The following UBE2D1 variants were observed in gnomAD, a reference collection of about 807,000 sequenced individuals.
UBE2D1 encodes ubiquitin conjugating enzyme E2 D1, also known as ubiquitin-conjugating enzyme E2 D1.
In UBE2D1, 9 loss-of-function variants were observed where a neutral mutation model predicts 24.6. The ratio of observed to expected loss-of-function variants is 0.37; its 90% confidence interval spans 0.22 to 0.64. UBE2D1 has a LOEUF of 0.64. UBE2D1 is among the 30% of genes least tolerant of loss of function. The pLI is 0.64. For missense variants in UBE2D1, 87 were observed against 177.1 expected (o/e 0.49, Z 2.89); for synonymous variants, 57 against 57.6 (o/e 0.99, Z 0.04).
chr10:58,363,422 G>A (rs1464001925), intron 3 of UBE2D1, among the ~76,000 whole-genome samples, 187 bp from the exon 4 acceptor site: 1 of 152,010 alleles, frequency 6.6e-6, no homozygotes, highest in Non-Finnish European at 1.5e-5. Flanking sequence ...AGAGAAACCT[G>A]TTCTCAAAGT....
intron 1 of UBE2D1, 28 bp from the exon 2 acceptor site, chr10:58,361,310 A>C (rs754346987): frequency 6.2e-7 from 1 of 1,611,394 alleles, no homozygotes; most frequent in Middle Eastern, 1.7e-4. Flanking sequence ...AGAAGGAATT[A>C]ACCTTACATA....
chr10:58,347,919 G>A (rs1235376979), intron 1 of UBE2D1, among the ~76,000 whole-genome samples: 1 of 152,120 alleles, frequency 6.6e-6, no homozygotes, highest in Non-Finnish European at 1.5e-5. Context: ...AAAGTGCTGG[G>A]ATTATAGGCA....
rs1033457777 is a variant in UBE2D1 at position 58,335,020 on chromosome 10, A to G, written c.-182A>G. 3.4e-6 allele frequency: 2 copies of G among 586,030 alleles called. No individual in the cohort carries two copies. The highest frequency in any genetic ancestry group is 4.4e-5 in the South Asian group (2 of 45,468). 36.3% of individuals were successfully genotyped at this position (586,030 alleles called of 1,614,324 possible). A position where few individuals can be genotyped will look rare whatever the true frequency, so the allele number is the denominator to read the frequency against. ...CGTCCCCGCCCGCACACTCGCGCACACTCGCGCTCGGGCGCACACGGAGCA... is the reference window on the plus strand; with the variant it reads ...CGTCCCCGCCCGCACACTCGCGCACGCTCGCGCTCGGGCGCACACGGAGCA... On this transcript the variant is annotated 5_prime_UTR_variant, in exon 1 of 7. Transcript: ENST00000373910.
intron 4 of UBE2D1, among the ~76,000 whole-genome samples, chr10:58,364,088 A>G (rs924855589): frequency 9.9e-5 from 15 of 151,790 alleles, no homozygotes; most frequent in Non-Finnish European, 2.1e-4. Flanking sequence ...GTTCTTCTAC[A>G]CTGGGGAATC....
chr10:58,349,481 C>T (rs1381322448), intron 1 of UBE2D1, among the ~76,000 whole-genome samples: 1 of 152,152 alleles, frequency 6.6e-6, no homozygotes, highest in South Asian at 2.1e-4. Flanking sequence ...AACCGAAATA[C>T]ACAAAATATA....
intron 1 of UBE2D1, among the ~76,000 whole-genome samples, chr10:58,352,045 G>GA (rs892812903): frequency 4.0e-5 from 6 of 151,594 alleles, no homozygotes; most frequent in South Asian, 2.1e-4. Context: ...ACCATCTATT[G>GA]AAAAAAAACT....
intron 1 of UBE2D1, among the ~76,000 whole-genome samples, chr10:58,345,214 T>C (rs897458413): frequency 6.6e-6 from 1 of 151,980 alleles, no homozygotes; most frequent in Admixed American, 6.5e-5. Context: ...CTCATGCCTG[T>C]AATCCCAGAA....
chr10:58,358,489 A>C (rs1840157247), intron 1 of UBE2D1, among the ~76,000 whole-genome samples: 1 of 152,170 alleles, frequency 6.6e-6, no homozygotes, highest in South Asian at 2.1e-4. Context: ...CTGCTAGAGA[A>C]TTGGAAGGCT....
intron 1 of UBE2D1, chr10:58,360,984 G>A (rs756723681): frequency 2.2e-6 from 1 of 453,612 alleles, no homozygotes; most frequent in South Asian, 1.7e-5. Flanking sequence ...TCCCTCAATA[G>A]ATTGTAACCT....
chr10:58,335,285 G>T (rs562813062), intron 1 of UBE2D1, 60 bp downstream of exon 1: 2 of 1,468,906 alleles, frequency 1.4e-6, no homozygotes, highest in East Asian at 5.4e-5. Context: ...ACGCTGACTC[G>T]GCCAGTGGTC....
intron 6 of UBE2D1, chr10:58,368,513 T>C: frequency 2.8e-6 from 1 of 356,058 alleles, no homozygotes; most frequent in Non-Finnish European, 5.1e-6. Flanking sequence ...TACATTTTCA[T>C]ATAGGTTGCA....
chr10:58,365,977 G>A (rs1289419309), intron 5 of UBE2D1, among the ~76,000 whole-genome samples: 2 of 152,102 alleles, frequency 1.3e-5, no homozygotes, highest in African/African-American at 2.4e-5. Context: ...ATTTATGAAC[G>A]ATAGTTTTTC....
chr10:58,363,569 A>T lies in UBE2D1; in HGVS notation c.121-40A>T, dbSNP rs762116206. The stretch of plus-strand genomic sequence containing the variant: ...AATAATTTTGTTGTTATAAATAAAT[A>T]TAGTAATCAAATGCTGATGCAAATC... On this transcript the variant is annotated intron_variant, in intron 3 of 6. Transcript: ENST00000373910. The T allele has an allele frequency of 2.8e-6, 4 of 1,407,842 alleles. No homozygotes were observed. The African/African-American group carries it at 4.4e-5, about 15-fold the overall frequency. 87.2% of individuals were successfully genotyped at this position (1,407,842 alleles called of 1,614,324 possible).
chr10:58,352,511 G>A (rs1840088219), intron 1 of UBE2D1, among the ~76,000 whole-genome samples: 2 of 152,202 alleles, frequency 1.3e-5, no homozygotes, highest in South Asian at 4.1e-4. Flanking sequence ...CACTTGGGGA[G>A]GGTAGGGCGG....
intron 4 of UBE2D1, among the ~76,000 whole-genome samples, chr10:58,364,157 T>C (rs1840230274): frequency 6.6e-6 from 1 of 152,266 alleles, no homozygotes; most frequent in Admixed American, 6.5e-5. Context: ...AAACACATGT[T>C]AGATTTAGAT....
At chr10:58,341,036 C>T (rs1208218806) in intron 1 of UBE2D1, among the ~76,000 whole-genome samples, 2 of 152,190 alleles carry the variant, frequency 1.3e-5, no homozygotes, top group African/African-American at 4.8e-5. Flanking sequence ...CTTCGCAAAT[C>T]TCTGCTCCAA....
At chr10:58,346,702 G>T (rs970633409) in intron 1 of UBE2D1, among the ~76,000 whole-genome samples, 1 of 152,148 alleles carries the variant, frequency 6.6e-6, no homozygotes, top group Non-Finnish European at 1.5e-5. Flanking sequence ...GGTCTGGCAA[G>T]TCATTTTAAG....
intron 1 of UBE2D1, among the ~76,000 whole-genome samples, chr10:58,354,691 T>G (rs895963685): frequency 2.0e-5 from 3 of 151,956 alleles, no homozygotes; most frequent in Admixed American, 6.6e-5. Flanking sequence ...AAAAACTAGC[T>G]GGGCGTGGTG....
intron 1 of UBE2D1, among the ~76,000 whole-genome samples, chr10:58,350,387 T>C (rs545939117): frequency 1.6e-4 from 17 of 107,090 alleles, no homozygotes; most frequent in African/African-American, 6.4e-4. Flanking sequence ...CCTTCTGATA[T>C]ATATATATGT....
Sources: allele counts gnomAD v4.1 joint callset (sites outside exome capture counted in the v4.1 genomes callset), GRCh38; gene constraint gnomAD v4.1.1; transcripts MANE v1.5; gene names NCBI Gene and HGNC (gene_info 2026-07-23, HGNC 2026-07-21).